LHFPL2: variants seen among roughly 807,000 people sequenced by gnomAD.
LHFPL2 encodes the protein LHFPL tetraspan subfamily member 2 protein.
A neutral mutation model predicts 17.5 loss-of-function variants in LHFPL2; 7 were observed. That is an observed-to-expected ratio of 0.40 (90% CI 0.23 to 0.75). LHFPL2 has a LOEUF of 0.75. Ranked by LOEUF, LHFPL2 falls within the 30% of genes least tolerant of loss-of-function variation. The pLI is 0.37. For synonymous variants in LHFPL2, 134 were observed against 116.2 expected (o/e 1.15, Z -0.99); for missense variants, 241 against 294.8 (o/e 0.82, Z 1.34).
Position 78,488,719 on chromosome 5 carries a change from C to T in LHFPL2, c.*178G>A, listed in dbSNP as rs11740697. On this transcript the variant is annotated 3_prime_UTR_variant, in exon 5 of 5. Coordinates refer to ENST00000380345, the MANE Select transcript of LHFPL2 (RefSeq NM_005779.3). ...ATTCCTTATAATGTGCACTGCAGAC[C>T]GCATGTCCAGTAACTTTGCGTAGCT... 262,087 of 654,752 alleles carry T rather than the reference C, an allele frequency of 0.4. 59,349 individuals are homozygous for T. Among genetic ancestry groups the T allele is most frequent in the Non-Finnish European group, 0.48 (181,178 of 375,906 alleles). The allele number at this position is 654,752 out of a possible 1,614,324, so 40.6% of individuals were successfully genotyped here.
At chr5:78,510,570 C>T (rs1452982161) in intron 3 of LHFPL2, among the ~76,000 whole-genome samples, 172 bp from the exon 4 acceptor site, 1 of 152,266 alleles carries the variant, frequency 6.6e-6, no homozygotes. Context: ...TCAAGTTCTT[C>T]CTGACCTCAC....
chr5:78,512,042 A>G (rs1755145269), intron 3 of LHFPL2, among the ~76,000 whole-genome samples: 1 of 152,154 alleles, frequency 6.6e-6, no homozygotes, highest in Non-Finnish European at 1.5e-5. Flanking sequence ...GGAATGAACA[A>G]GAACCTACTG....
intron 2 of LHFPL2, among the ~76,000 whole-genome samples, chr5:78,593,580 T>C (rs1743721121): frequency 6.6e-6 from 1 of 152,166 alleles, no homozygotes; most frequent in Non-Finnish European, 1.5e-5. Context: ...ACCATGCTAG[T>C]TGAAACATAT....
intron 2 of LHFPL2, among the ~76,000 whole-genome samples, chr5:78,621,486 C>T (rs1279130775): frequency 6.6e-6 from 1 of 152,118 alleles, no homozygotes; most frequent in Non-Finnish European, 1.5e-5. Flanking sequence ...CTGTTTGTGG[C>T]AGTCATGCTT....
intron 4 of LHFPL2, 88 bp downstream of exon 4, chr5:78,509,696 C>T: frequency 7.4e-7 from 1 of 1,345,342 alleles, no homozygotes. Context: ...CCAAAACTAG[C>T]AGGAAGCGAA....
At chr5:78,553,357 G>T (rs1035394467) in intron 3 of LHFPL2, among the ~76,000 whole-genome samples, 2 of 152,152 alleles carry the variant, frequency 1.3e-5, no homozygotes, top group Non-Finnish European at 2.9e-5. Flanking sequence ...TGGCAGAATT[G>T]TTCCCTCCTC....
intron 1 of LHFPL2, among the ~76,000 whole-genome samples, chr5:78,640,535 T>C (rs1745628506): frequency 6.6e-6 from 1 of 152,234 alleles, no homozygotes; most frequent in Admixed American, 6.5e-5. Context: ...TCAAGCAATG[T>C]ATGATGTTGT....
At chr5:78,627,501 C>T (rs768032290) in intron 2 of LHFPL2, among the ~76,000 whole-genome samples, 2 of 152,172 alleles carry the variant, frequency 1.3e-5, no homozygotes, top group African/African-American at 2.4e-5. Context: ...CTTAAAGAAA[C>T]CTTTATTGCT....
intron 3 of LHFPL2, among the ~76,000 whole-genome samples, chr5:78,532,144 G>A (rs921442775): frequency 5.9e-5 from 9 of 152,156 alleles, no homozygotes; most frequent in East Asian, 3.9e-4. Flanking sequence ...GGCTGGTCTC[G>A]GATTCCTGAC....
chr5:78,524,255 G>A (rs78137150), intron 3 of LHFPL2, among the ~76,000 whole-genome samples: 1,905 of 152,194 alleles, frequency 0.013, 39 homozygotes, highest in African/African-American at 0.042. Flanking sequence ...TGAGGTTTTC[G>A]GGCACACTCA....
At chr5:78,597,294 T>C (rs1222510589) in intron 2 of LHFPL2, among the ~76,000 whole-genome samples, 14 of 152,186 alleles carry the variant, frequency 9.2e-5, no homozygotes, top group Admixed American at 3.3e-4. Context: ...GGGGGCATTG[T>C]ATGAAAAGAT....
chr5:78,553,440 C>A (rs951867920), intron 3 of LHFPL2, among the ~76,000 whole-genome samples: 4 of 152,126 alleles, frequency 2.6e-5, no homozygotes, highest in Non-Finnish European at 4.4e-5. Flanking sequence ...GGGTTGGGGG[C>A]CTTTAAGGAC....
At chr5:78,517,249 T>G (rs939984648) in intron 3 of LHFPL2, among the ~76,000 whole-genome samples, 3 of 152,210 alleles carry the variant, frequency 2.0e-5, no homozygotes, top group Non-Finnish European at 4.4e-5. Flanking sequence ...TCTCTTTTTC[T>G]CTGGGCATGG....
At chr5:78,645,632 G>T (rs1344283994) in intron 1 of LHFPL2, among the ~76,000 whole-genome samples, 1 of 151,534 alleles carries the variant, frequency 6.6e-6, no homozygotes, top group African/African-American at 2.4e-5. Context: ...ACCCAGACTG[G>T]AGTGCAATGG....
At chr5:78,500,013 T>C (rs1360270955) in intron 4 of LHFPL2, among the ~76,000 whole-genome samples, 1 of 102,954 alleles carries the variant, frequency 9.7e-6, no homozygotes, top group Non-Finnish European at 2.1e-5. Flanking sequence ...CCAAACCCAC[T>C]GGACCAAAAG....
chr5:78,582,193 T>C (rs1478101299), intron 2 of LHFPL2, among the ~76,000 whole-genome samples: 2 of 152,204 alleles, frequency 1.3e-5, no homozygotes, highest in Admixed American at 1.3e-4. Context: ...TTTATTAGTC[T>C]TGCTAGCAGT....
At chr5:78,617,009 C>T (rs1744641216) in intron 2 of LHFPL2, among the ~76,000 whole-genome samples, 1 of 152,094 alleles carries the variant, frequency 6.6e-6, no homozygotes, top group Non-Finnish European at 1.5e-5. Flanking sequence ...GTAATTATGA[C>T]ACTTCTAGAG....
chr5:78,554,522 C>G (rs891624238), intron 3 of LHFPL2, among the ~76,000 whole-genome samples: 1 of 152,232 alleles, frequency 6.6e-6, no homozygotes, highest in African/African-American at 2.4e-5. Flanking sequence ...GTTTACCTCC[C>G]AAGTCACCTA....
Position 78,514,331 on chromosome 5 carries a change from G to A in LHFPL2, c.-185-3933C>T, listed in dbSNP as rs78481192. Among the ~76,000 whole-genome samples, 1,238 of 148,734 alleles carry A rather than the reference G, an allele frequency of 8.3e-3. 16 individuals carry two copies. Among genetic ancestry groups the A allele is most frequent in the African/African-American group, 0.028 (1,130 of 39,892 alleles). The stretch of plus-strand genomic sequence containing the variant: ...TTCAGAAAATGATGACTGGCACAAC[G>A]GTGTGCAAAGTAAAGCCTCTTCACT... On this transcript the variant is annotated intron_variant, in intron 3 of 4. Coordinates refer to ENST00000380345, the MANE Select transcript of LHFPL2 (RefSeq NM_005779.3).
Sources: allele counts gnomAD v4.1 joint callset (sites outside exome capture counted in the v4.1 genomes callset), GRCh38; gene constraint gnomAD v4.1.1; transcripts MANE v1.5; gene names NCBI Gene and HGNC (gene_info 2026-07-23, HGNC 2026-07-21).